CHLSN: variants seen among roughly 807,000 people sequenced by gnomAD.
The protein encoded by CHLSN is cholesin.
the CHLSN span, chr7:988,359 A>G: frequency 6.2e-7 from 1 of 1,612,432 alleles, no homozygotes; most frequent in African/African-American, 1.3e-5. Flanking sequence ...AACCCCGGCC[A>G]TTTCCTGGAC....
At chr7:1,100,418 C>T in the CHLSN span, among the ~76,000 whole-genome samples, 16 of 152,376 alleles carry the variant, frequency 1.1e-4, no homozygotes, top group East Asian at 1.2e-3. Flanking sequence ...GCAGGCCACA[C>T]GCAGGCTGCA....
chr7:1,126,359 C>CAAAA, the CHLSN span, among the ~76,000 whole-genome samples: 253 of 40,500 alleles, frequency 6.2e-3, 3 homozygotes, highest in Middle Eastern at 0.029. Flanking sequence ...GACTCTGTCT[C>CAAAA]AAAAAAAAAA....
At chr7:1,073,317 C>T in the CHLSN span, among the ~76,000 whole-genome samples, 2 of 152,134 alleles carry the variant, frequency 1.3e-5, no homozygotes, top group Non-Finnish European at 2.9e-5. Flanking sequence ...GCCCTCCCTC[C>T]TCACCTCCTC....
chr7:1,113,313 A>C, the CHLSN span, among the ~76,000 whole-genome samples: 2 of 152,212 alleles, frequency 1.3e-5, no homozygotes, highest in South Asian at 2.1e-4. Flanking sequence ...CTTGCTGAGT[A>C]CTGTGTTTTC....
the CHLSN span, chr7:987,306 G>C: frequency 6.5e-7 from 1 of 1,530,224 alleles, no homozygotes; most frequent in African/African-American, 1.4e-5. Flanking sequence ...CCAGGGACGA[G>C]GGATGGCGCT....
chr7:1,110,263 C>T, the CHLSN span, among the ~76,000 whole-genome samples: 1 of 152,248 alleles, frequency 6.6e-6, no homozygotes, highest in Non-Finnish European at 1.5e-5. Flanking sequence ...GCACACACCA[C>T]CACAAAAGCT....
At chr7:1,027,544 C>A in the CHLSN span, among the ~76,000 whole-genome samples, 2 of 152,278 alleles carry the variant, frequency 1.3e-5, no homozygotes, top group Admixed American at 1.3e-4. Context: ...TGAGCCCCGA[C>A]GCAGCAGCGG....
At chr7:1,002,253 TCCTGTGGGTGAGTGGAGC>T in the CHLSN span, among the ~76,000 whole-genome samples, 5 of 46,008 alleles carry the variant, frequency 1.1e-4, no homozygotes, top group African/African-American at 2.3e-4. Context: ...GTGAGTGGAG[TCCTGTGGGTGAGTGGAGC>T]CCTGTGGGTG....
At chr7:1,008,089 C>G in the CHLSN span, among the ~76,000 whole-genome samples, 1 of 152,196 alleles carries the variant, frequency 6.6e-6, no homozygotes, top group Non-Finnish European at 1.5e-5. Context: ...AGGTCCAGAA[C>G]AGCCACGCCC....
At chr7:1,024,240 C>T in the CHLSN span, among the ~76,000 whole-genome samples, 2 of 152,330 alleles carry the variant, frequency 1.3e-5, no homozygotes, top group Admixed American at 1.3e-4. Flanking sequence ...ACAGTGGGAC[C>T]TGCCTCCCTA....
At chr7:1,039,413 TG>T in the CHLSN span, among the ~76,000 whole-genome samples, 10 of 5,298 alleles carry the variant, frequency 1.9e-3, no homozygotes, top group African/African-American at 4.3e-3. Flanking sequence ...GGGAGGGAGG[TG>T]GGGGGGGGGG....
At chr7:996,387 G>T in the CHLSN span, among the ~76,000 whole-genome samples, 1 of 152,260 alleles carries the variant, frequency 6.6e-6, no homozygotes, top group Non-Finnish European at 1.5e-5. Flanking sequence ...CTCAGGGCCT[G>T]AGCCAGCGTC....
the CHLSN span, among the ~76,000 whole-genome samples, chr7:1,008,468 C>T: frequency 6.6e-6 from 1 of 152,188 alleles, no homozygotes; most frequent in Non-Finnish European, 1.5e-5. Flanking sequence ...CACCTGGCCT[C>T]AGCCCCACGT....
chr7:1,041,217 G>T, the CHLSN span, among the ~76,000 whole-genome samples: 29,690 of 118,886 alleles, frequency 0.25, 5,496 homozygotes, highest in African/African-American at 0.47. Flanking sequence ...CAGGGAACGG[G>T]ACCTGGGCTC....
At chr7:1,136,489 T>C in the CHLSN span, among the ~76,000 whole-genome samples, 1 of 121,852 alleles carries the variant, frequency 8.2e-6, no homozygotes, top group Admixed American at 9.2e-5. Flanking sequence ...TAAACATATA[T>C]AAACATATAA....
the CHLSN span, among the ~76,000 whole-genome samples, chr7:1,027,959 T>C: frequency 1.3e-5 from 2 of 152,120 alleles, no homozygotes; most frequent in African/African-American, 2.4e-5. Flanking sequence ...TCGCAGTGCC[T>C]GCAGGGCCTG....
chr7:1,135,030 C>A, the CHLSN span, among the ~76,000 whole-genome samples: 3 of 152,180 alleles, frequency 2.0e-5, no homozygotes, highest in Non-Finnish European at 4.4e-5. Context: ...CAGTATGCAA[C>A]TTATTTGACC....
chr7:1,011,495 G>A, the CHLSN span, among the ~76,000 whole-genome samples: 59 of 118,164 alleles, frequency 5.0e-4, no homozygotes, highest in Middle Eastern at 7.0e-3. Context: ...ACCTTCACAC[G>A]CCCAGACACC....
the CHLSN span, among the ~76,000 whole-genome samples, chr7:1,116,895 C>T: frequency 2.9e-5 from 1 of 34,558 alleles, no homozygotes; most frequent in Admixed American, 2.5e-4. Context: ...CCGACGTCCA[C>T]GCAGGATGAT....
Sources: allele counts gnomAD v4.1 joint callset (sites outside exome capture counted in the v4.1 genomes callset), GRCh38; gene constraint gnomAD v4.1.1; transcripts MANE v1.5; gene names NCBI Gene and HGNC (gene_info 2026-07-23, HGNC 2026-07-21).